The following SLAMF9 variants were observed in gnomAD, a reference collection of about 807,000 sequenced individuals.
SLAMF9 encodes SLAM family member 9.
In SLAMF9, 25 loss-of-function variants were observed where a neutral mutation model predicts 30.4. The observed-to-expected ratio is 0.82, with a 90% CI of 0.60 to 1.15. SLAMF9 has a LOEUF of 1.15. Ranked by LOEUF, SLAMF9 falls within the 50% of genes most tolerant of loss-of-function variation. The probability of loss-of-function intolerance (pLI) is 0.00; values close to 1 mark genes in which losing one functional copy is unlikely to be tolerated. For missense variants in SLAMF9, 344 were observed against 346.1 expected (o/e 0.99, Z 0.05); for synonymous variants, 129 against 127.2 (o/e 1.01, Z -0.09).
At chr1:159,953,772 T>A in intron 1 of SLAMF9, 119 bp from the exon 2 acceptor site, 1 of 876,864 alleles carries the variant, frequency 1.1e-6, no homozygotes, top group Non-Finnish European at 1.7e-6. Context: ...ACTCTCACAC[T>A]AAATCCTGTT....
In SLAMF9 at chr1:159,953,344, A is replaced by G; in HGVS notation, c.356T>C (p.Ile119Thr). The G allele has an allele frequency of 6.2e-7, 1 of 1,612,360 alleles. No homozygotes were observed. Among genetic ancestry groups the G allele is most frequent in the Non-Finnish European group, 8.5e-7 (1 of 1,178,492 alleles). ...TATATTGTACTGCTGCATGGTAGAG[A>G]TCTGGGATGTTCTCAGGTTGACTTG... Reference protein sequence around the residue: ...QAQVNLRTSQISTMQQYNICV... With the variant: ...QAQVNLRTSQTSTMQQYNICV... The change falls in exon 2 of 4, where the codon ATC becomes ACC. Residue 119 changes from isoleucine (I) to threonine (T), a missense_variant. Physicochemically the swap from Ile to Thr is moderately conservative, Grantham distance 89. Coordinates refer to ENST00000368093, the MANE Select transcript of SLAMF9 (RefSeq NM_033438.4).
chr1:159,973,877 C>G, the SLAMF9 span: 2 of 1,612,814 alleles, frequency 1.2e-6, no homozygotes, highest in Non-Finnish European at 1.7e-6. Context: ...TGCAGCTGTA[C>G]TGGCCACGGC....
chr1:159,973,084 C>T, the SLAMF9 span: 1 of 1,486,676 alleles, frequency 6.7e-7, no homozygotes, highest in South Asian at 1.3e-5. Context: ...CCAGAGTCTC[C>T]CTCCTTGACT....
the SLAMF9 span, among the ~76,000 whole-genome samples, chr1:159,962,330 T>G: frequency 6.6e-6 from 1 of 151,784 alleles, no homozygotes; most frequent in African/African-American, 2.4e-5. Context: ...CTACTGAGTT[T>G]ATAAGTTATG....
At chr1:159,973,703 G>C in the SLAMF9 span, 1 of 1,178,920 alleles carries the variant, frequency 8.5e-7, no homozygotes, top group Non-Finnish European at 1.2e-6. Flanking sequence ...GGGGCAGCCA[G>C]AGACAGGGGT....
chr1:159,975,052 A>G, the SLAMF9 span, among the ~76,000 whole-genome samples: 5 of 152,192 alleles, frequency 3.3e-5, no homozygotes, highest in African/African-American at 9.7e-5. Context: ...TTCCCCAAGC[A>G]GTAACATAGA....
chr1:159,953,435 G>A lies in SLAMF9; in HGVS notation c.265C>T (p.Leu89=), dbSNP rs754613294. ...ATATGCAGGGAATAGCTGGGGTCCAGGAAGCTCACTTGGCCCTGGTAGTGT... is the reference window on the plus strand; with the variant it reads ...ATATGCAGGGAATAGCTGGGGTCCAAGAAGCTCACTTGGCCCTGGTAGTGT... The part of the protein sequence containing the change: ...NPHYQGQVSF[L]DPSYSLHISN... The change falls in exon 2 of 4, where the codon CTG becomes TTG. Residue 89 remains leucine (L), a synonymous_variant. Transcript: ENST00000368093. The A allele has an allele frequency of 2.2e-5, 36 of 1,614,118 alleles. No homozygotes were observed. The highest frequency in any genetic ancestry group is 3.0e-5 in the Non-Finnish European group (35 of 1,180,048).
the SLAMF9 span, among the ~76,000 whole-genome samples, chr1:159,977,584 T>C: frequency 6.6e-6 from 1 of 152,252 alleles, no homozygotes; most frequent in East Asian, 1.9e-4. Context: ...CTTCACTCAG[T>C]AGAGAAGCCT....
the SLAMF9 span, among the ~76,000 whole-genome samples, chr1:159,971,648 T>G: frequency 2.0e-4 from 31 of 152,118 alleles, no homozygotes; most frequent in Non-Finnish European, 3.8e-4. Context: ...GCAGAGATGC[T>G]CAAGCACATC....
In SLAMF9 at chr1:159,951,779, G is replaced by A. The variant is rs777017625; in HGVS notation, c.752C>T (p.Ala251Val). ...LLIFLLLVIL[A>V]MGLWVIRVQK... ...GACTCGGATGACCCAGAGTCCCATG[G>A]CCAGAATTACCAAGAGCAAGAAGAT... The change falls in exon 4 of 4, where the codon GCC (alanine) becomes GTC (valine). Residue 251 changes from alanine (A) to valine (V), a missense_variant. Transcript: ENST00000368093. 23 of 1,614,042 alleles carry A rather than the reference G, an allele frequency of 1.4e-5. No individual in the cohort carries two copies. Among genetic ancestry groups the A allele is most frequent in the Non-Finnish European group, 1.9e-5 (23 of 1,180,034 alleles).
At chr1:159,973,723 A>T in the SLAMF9 span, 2 of 1,377,892 alleles carry the variant, frequency 1.5e-6, no homozygotes, top group Non-Finnish European at 2.1e-6. Context: ...TCCTGTCCAG[A>T]GAGCTACTGA....
the SLAMF9 span, chr1:159,983,125 C>T: frequency 1.3e-5 from 2 of 152,396 alleles, no homozygotes; most frequent in East Asian, 3.9e-4. Context: ...GGTTAGGCTC[C>T]TCTCTTATCA....
the SLAMF9 span, among the ~76,000 whole-genome samples, chr1:159,967,279 C>A: frequency 6.6e-6 from 1 of 152,150 alleles, no homozygotes; most frequent in African/African-American, 2.4e-5. Flanking sequence ...CTAATGCTAT[C>A]CCTCCCTTGA....
intron 2 of SLAMF9, among the ~76,000 whole-genome samples, 166 bp downstream of exon 2, chr1:159,953,143 A>G (rs1027186489): frequency 3.9e-5 from 6 of 152,122 alleles, no homozygotes; most frequent in African/African-American, 9.7e-5. Flanking sequence ...TTCAGATACA[A>G]CAGGTGGATT....
chr1:159,954,055 GGGACATTCCTGTGCACGAGCT>G lies in SLAMF9; in HGVS notation c.46+16_46+36del. On this transcript the variant is annotated intron_variant, in intron 1 of 3. Coordinates refer to ENST00000368093, the MANE Select transcript of SLAMF9 (RefSeq NM_033438.4). ...GTGGGGCAGGGGAACAGAGGTGTAG[GGGACATTCCTGTGCACGAGCT>G]GGCAGCTTCACTCACCCTCCTGGAG... The G allele has an allele frequency of 6.2e-7, 1 of 1,613,396 alleles. No homozygotes were observed. The highest frequency in any genetic ancestry group is 8.5e-7 in the Non-Finnish European group (1 of 1,179,716).
chr1:159,953,238 G>A (rs368481860), intron 2 of SLAMF9, 71 bp downstream of exon 2: 35 of 1,281,928 alleles, frequency 2.7e-5, no homozygotes, highest in Middle Eastern at 4.5e-4. Flanking sequence ...GTCCTGAGAC[G>A]CCCACTCCAT....
chr1:159,953,436 GA>G lies in SLAMF9; in HGVS notation c.263del (p.Phe88SerfsTer13). On this transcript the variant is annotated frameshift_variant, in exon 2 of 4. Transcript: ENST00000368093. LOFTEE classifies it high-confidence loss of function. ...TATGCAGGGAATAGCTGGGGTCCAG[GA>G]AGCTCACTTGGCCCTGGTAGTGTGG... ...TNPHYQGQVS[F>X]LDPSYSLHIS... The G allele has an allele frequency of 6.2e-7, 1 of 1,614,240 alleles. No individual in the cohort carries two copies. The highest frequency in any genetic ancestry group is 8.5e-7 in the Non-Finnish European group (1 of 1,180,042).
At chr1:159,974,931 G>C in the SLAMF9 span, among the ~76,000 whole-genome samples, 2 of 152,254 alleles carry the variant, frequency 1.3e-5, no homozygotes, top group East Asian at 3.9e-4. Context: ...ATCACTCCTG[G>C]AACTTATGAG....
chr1:159,976,650 C>A, the SLAMF9 span: 1 of 151,980 alleles, frequency 6.6e-6, no homozygotes, highest in African/African-American at 2.4e-5. Context: ...ATAGAGCTTT[C>A]AATAAACCTC....
Sources: gnomAD v4.1 joint callset for allele counts (sites outside exome capture counted in the v4.1 genomes callset) on GRCh38, gnomAD v4.1.1 for gene constraint, MANE v1.5 for transcripts, NCBI Gene and HGNC (gene_info 2026-07-23, HGNC 2026-07-21) for gene names.